The following PPP2R2B variants were observed in gnomAD, a reference collection of about 807,000 sequenced individuals.
The protein encoded by PPP2R2B is protein phosphatase 2 regulatory subunit Bbeta.
A neutral mutation model predicts 46.0 loss-of-function variants in PPP2R2B; 5 were observed. That is an observed-to-expected ratio of 0.11 (90% CI 0.06 to 0.23). PPP2R2B has a LOEUF of 0.23. PPP2R2B is among the 10% of genes least tolerant of loss of function. PPP2R2B has a pLI of 1.00. For missense variants in PPP2R2B, 367 were observed against 575.0 expected (o/e 0.64, Z 3.70); for synonymous variants, 215 against 206.7 (o/e 1.04, Z -0.34).
chr5:147,006,025 A>T (rs1304107425), intron 1 of PPP2R2B, among the ~76,000 whole-genome samples: 1 of 152,146 alleles, frequency 6.6e-6, no homozygotes, highest in Non-Finnish European at 1.5e-5. Flanking sequence ...TCCTAACAAA[A>T]ATCCTTAACC....
intron 2 of PPP2R2B, among the ~76,000 whole-genome samples, chr5:146,836,945 C>T (rs1268696360): frequency 1.3e-5 from 2 of 152,196 alleles, no homozygotes; most frequent in South Asian, 4.1e-4. Flanking sequence ...TTCATTTCTT[C>T]ATTCAACAAA....
intron 4 of PPP2R2B, among the ~76,000 whole-genome samples, 175 bp from the exon 5 acceptor site, chr5:146,691,415 TA>T (rs1294492614): frequency 6.6e-6 from 1 of 152,194 alleles, no homozygotes; most frequent in African/African-American, 2.4e-5. Flanking sequence ...GCAGAGCTCA[TA>T]TTTCAAAACA....
upstream of PPP2R2B, among the ~76,000 whole-genome samples, chr5:146,881,628 G>A (rs1046604204): frequency 3.9e-5 from 6 of 152,078 alleles, no homozygotes; most frequent in Admixed American, 6.5e-5. Context: ...GGCCAGGCTG[G>A]TCTCAAACTC....
intron 1 of PPP2R2B, chr5:147,035,374 C>A (rs987106446): frequency 3.8e-6 from 1 of 264,030 alleles, no homozygotes; most frequent in Admixed American, 5.1e-5. Context: ...AATCACCTCC[C>A]CCGAGTTCCC....
At chr5:146,730,449 T>C (rs937010301) in intron 2 of PPP2R2B, among the ~76,000 whole-genome samples, 1 of 152,170 alleles carries the variant, frequency 6.6e-6, no homozygotes, top group Non-Finnish European at 1.5e-5. Context: ...TTTTGAAATG[T>C]GGAGACGTGA....
chr5:146,692,691 G>A (rs1348967623), intron 4 of PPP2R2B, among the ~76,000 whole-genome samples: 11 of 151,600 alleles, frequency 7.3e-5, no homozygotes, highest in African/African-American at 2.4e-4. Flanking sequence ...CCACCACCAC[G>A]CCCGGCTAAT....
chr5:146,657,352 A>T (rs1174036757), intron 5 of PPP2R2B, among the ~76,000 whole-genome samples: 2 of 152,184 alleles, frequency 1.3e-5, no homozygotes, highest in African/African-American at 2.4e-5. Flanking sequence ...GCCAGATAGG[A>T]GATAAAGAAC....
intron 2 of PPP2R2B, chr5:146,707,075 C>T: frequency 7.5e-7 from 1 of 1,329,644 alleles, no homozygotes; most frequent in Non-Finnish European, 1.1e-6. Context: ...ATCTCATCCT[C>T]ATAGTTGTTC....
At chr5:147,069,575 C>A (rs1757513802) in intron 2 of PPP2R2B, among the ~76,000 whole-genome samples, 1 of 152,096 alleles carries the variant, frequency 6.6e-6, no homozygotes, top group Non-Finnish European at 1.5e-5. Flanking sequence ...TCTGGCCATG[C>A]CTGGATTGCT....
intron 7 of PPP2R2B, among the ~76,000 whole-genome samples, chr5:146,615,526 A>G (rs1465480822): frequency 6.8e-6 from 1 of 147,488 alleles, no homozygotes; most frequent in Non-Finnish European, 1.5e-5. Flanking sequence ...AAAAAAAAAA[A>G]AAAAGAAAAA....
intron 5 of PPP2R2B, among the ~76,000 whole-genome samples, chr5:146,685,841 G>A (rs1473874100): frequency 6.6e-6 from 1 of 152,122 alleles, no homozygotes; most frequent in African/African-American, 2.4e-5. Context: ...CATCCCTTGT[G>A]TACCCACCCT....
upstream of PPP2R2B, among the ~76,000 whole-genome samples, chr5:146,880,334 G>A (rs1762125473): frequency 6.6e-6 from 1 of 152,070 alleles, no homozygotes; most frequent in Non-Finnish European, 1.5e-5. Flanking sequence ...TTTAGTAACA[G>A]GTGAAGACGG....
At chr5:146,749,933 C>A (rs1753450757) in intron 2 of PPP2R2B, among the ~76,000 whole-genome samples, 1 of 152,070 alleles carries the variant, frequency 6.6e-6, no homozygotes, top group Non-Finnish European at 1.5e-5. Context: ...TATAGCTTCA[C>A]ATTTTATATC....
chr5:146,786,168 A>T (rs1161188085), intron 2 of PPP2R2B, among the ~76,000 whole-genome samples: 3 of 152,156 alleles, frequency 2.0e-5, no homozygotes, highest in African/African-American at 7.2e-5. Flanking sequence ...CAATTACTAT[A>T]TATCAATAAA....
At chr5:146,685,568 C>A (rs1778440820) in intron 5 of PPP2R2B, among the ~76,000 whole-genome samples, 1 of 152,164 alleles carries the variant, frequency 6.6e-6, no homozygotes, top group South Asian at 2.1e-4. Context: ...ATCTCATGAC[C>A]TTTTAGCAAT....
chr5:146,776,700 G>A (rs1206789813), intron 2 of PPP2R2B, among the ~76,000 whole-genome samples: 1 of 151,896 alleles, frequency 6.6e-6, no homozygotes, highest in Non-Finnish European at 1.5e-5. Flanking sequence ...TATCAAGAGA[G>A]TGAAAATACA....
At chr5:146,598,518 A>G (rs11744339) in intron 8 of PPP2R2B, among the ~76,000 whole-genome samples, 13,252 of 152,250 alleles carry the variant, frequency 0.087, 831 homozygotes, top group Non-Finnish European at 0.13. Flanking sequence ...CCAGACTCAC[A>G]TTGAAGTGTC....
At chr5:146,733,665 G>C (rs1016254776) in intron 2 of PPP2R2B, among the ~76,000 whole-genome samples, 1 of 151,966 alleles carries the variant, frequency 6.6e-6, no homozygotes, top group African/African-American at 2.4e-5. Flanking sequence ...AGTTTGAGAA[G>C]GTCATAAGTA....
In PPP2R2B at chr5:146,985,255, G is replaced by A. The variant is rs374855516; in HGVS notation, c.79+70410C>T. Among the ~76,000 whole-genome samples the A allele has an allele frequency of 2.4e-3, 362 of 151,964 alleles. 4 individuals carry two copies. The highest frequency in any genetic ancestry group is 8.2e-3 in the African/African-American group (341 of 41,480). ...AGGCTGGTCTCGAACTCCTGATCTC[G>A]TGATCCACCTGCCTCGGCCTCCCAA... On this transcript the variant is annotated intron_variant, in intron 1 of 8. Coordinates refer to the PPP2R2B transcript ENST00000336640.
Sources: gnomAD v4.1 joint callset for allele counts (sites outside exome capture counted in the v4.1 genomes callset) on GRCh38, gnomAD v4.1.1 for gene constraint, MANE v1.5 for transcripts, NCBI Gene and HGNC (gene_info 2026-07-23, HGNC 2026-07-21) for gene names.